The following PCBP3 variants were observed in gnomAD, a reference collection of about 807,000 sequenced individuals.
PCBP3 encodes poly(rC) binding protein 3.
Under a neutral mutation model 52.7 loss-of-function variants are expected in PCBP3, and 25 were observed. The ratio of observed to expected loss-of-function variants is 0.47; its 90% CI spans 0.35 to 0.66. The LOEUF is 0.66. Ranked by LOEUF, PCBP3 falls within the 30% of genes least tolerant of loss-of-function variation. PCBP3 has a pLI of 0.01. For missense variants in PCBP3, 391 were observed against 490.3 expected, an observed-to-expected ratio of 0.80 and a Z score of 1.91; for synonymous variants, 162 against 183.0, an observed-to-expected ratio of 0.89 and a Z score of 0.93.
chr21:45,823,899 G>A (rs569401931), intron 4 of PCBP3, among the ~76,000 whole-genome samples: 16 of 151,898 alleles, frequency 1.1e-4, no homozygotes, highest in African/African-American at 3.6e-4. Context: ...CCACCACCAC[G>A]CCCAGCTAAT....
chr21:45,707,177 A>T (rs1294176765), intron 2 of PCBP3, among the ~76,000 whole-genome samples: 1 of 152,176 alleles, frequency 6.6e-6, no homozygotes, highest in African/African-American at 2.4e-5. Context: ...GATCTAGGTC[A>T]GTGCTTCTGA....
At chr21:45,803,720 G>A (rs2092392950) in intron 4 of PCBP3, among the ~76,000 whole-genome samples, 1 of 152,190 alleles carries the variant, frequency 6.6e-6, no homozygotes. Flanking sequence ...TAACCCAGAG[G>A]AACCTGGAGC....
At chr21:45,915,574 T>G (rs1188710390) in intron 12 of PCBP3, 1 of 152,236 alleles carries the variant, frequency 6.6e-6, no homozygotes, top group African/African-American at 2.4e-5. Flanking sequence ...AGCTGAGCCC[T>G]GCTCAGCCAC....
chr21:45,714,231 C>G (rs1250938576), intron 2 of PCBP3, among the ~76,000 whole-genome samples: 2 of 152,218 alleles, frequency 1.3e-5, no homozygotes, highest in Non-Finnish European at 2.9e-5. Context: ...CCCATCAACT[C>G]CAGACTAATT....
intron 2 of PCBP3, among the ~76,000 whole-genome samples, chr21:45,727,548 C>T (rs1234599759): frequency 6.6e-6 from 1 of 152,224 alleles, no homozygotes; most frequent in Non-Finnish European, 1.5e-5. Context: ...GGGAAAGCCT[C>T]ACTGTGGTCT....
chr21:45,822,133 G>C (rs1298822883), intron 4 of PCBP3, among the ~76,000 whole-genome samples: 1 of 152,158 alleles, frequency 6.6e-6, no homozygotes, highest in Non-Finnish European at 1.5e-5. Flanking sequence ...GTATCTCTCT[G>C]TGTTCAGTGT....
At chr21:45,920,048 A>AGG (rs55919940) in intron 13 of PCBP3, among the ~76,000 whole-genome samples, 42 of 151,904 alleles carry the variant, frequency 2.8e-4, no homozygotes, top group African/African-American at 8.0e-4. Flanking sequence ...CAGGTTCCAA[A>AGG]GGGGGGGTCA....
intron 1 of PCBP3, among the ~76,000 whole-genome samples, chr21:45,646,053 T>TTTTCTCTCTC (rs1487044677): frequency 8.4e-5 from 6 of 71,452 alleles, no homozygotes; most frequent in African/African-American, 2.8e-4. Context: ...TGTCACCTGT[T>TTTTCTCTCTC]TCTCTCTCTC....
At chr21:45,920,650 T>G (rs2074316011) in intron 13 of PCBP3, among the ~76,000 whole-genome samples, 1 of 152,186 alleles carries the variant, frequency 6.6e-6, no homozygotes, top group Admixed American at 6.5e-5. Flanking sequence ...TCCACCCTCG[T>G]GAACAGCATT....
intron 3 of PCBP3, among the ~76,000 whole-genome samples, chr21:45,740,984 C>T (rs1230992254): frequency 6.6e-6 from 1 of 152,194 alleles, no homozygotes; most frequent in Non-Finnish European, 1.5e-5. Flanking sequence ...TCTGGTTCCT[C>T]CCTGGAAGGT....
At chr21:45,689,794 C>T (rs902901415) in intron 2 of PCBP3, among the ~76,000 whole-genome samples, 1 of 151,876 alleles carries the variant, frequency 6.6e-6, no homozygotes, top group South Asian at 2.1e-4. Context: ...GAATATGAAA[C>T]AGGATAAAGT....
At chr21:45,672,639 C>T (rs927944354) in intron 2 of PCBP3, among the ~76,000 whole-genome samples, 9 of 152,020 alleles carry the variant, frequency 5.9e-5, no homozygotes, top group African/African-American at 1.2e-4. Flanking sequence ...CTCTCCCTAC[C>T]CAGGGTATCT....
At chr21:45,881,255 A>C (rs1013690970) in intron 5 of PCBP3, among the ~76,000 whole-genome samples, 2 of 152,258 alleles carry the variant, frequency 1.3e-5, no homozygotes, top group Admixed American at 1.3e-4. Context: ...CTTGCATCAC[A>C]GGAAGAATGG....
chr21:45,669,505 C>G (rs545823928), intron 2 of PCBP3, among the ~76,000 whole-genome samples: 1 of 152,020 alleles, frequency 6.6e-6, no homozygotes, highest in East Asian at 1.9e-4. Flanking sequence ...TAAGTACATT[C>G]ATGTTGTTGT....
At chr21:45,869,490 G>A (rs893614544) in intron 5 of PCBP3, among the ~76,000 whole-genome samples, 6 of 152,182 alleles carry the variant, frequency 3.9e-5, no homozygotes, top group African/African-American at 1.4e-4. Context: ...GACCCTGGCA[G>A]GTGGCTGCTC....
chr21:45,783,385 A>G (rs1242796975), intron 4 of PCBP3, among the ~76,000 whole-genome samples: 1 of 152,228 alleles, frequency 6.6e-6, no homozygotes, highest in African/African-American at 2.4e-5. Context: ...AAAAAAGTGT[A>G]GCAAAGTATA....
At chr21:45,670,435 T>C (rs1311816337) in intron 2 of PCBP3, among the ~76,000 whole-genome samples, 1 of 152,226 alleles carries the variant, frequency 6.6e-6, no homozygotes, top group Non-Finnish European at 1.5e-5. Context: ...GGGTCACTAA[T>C]TTCTTTTAGG....
At chr21:45,922,728 C>G (rs892058036) in intron 13 of PCBP3, among the ~76,000 whole-genome samples, 1 of 152,198 alleles carries the variant, frequency 6.6e-6, no homozygotes, top group Non-Finnish European at 1.5e-5. Context: ...TTTAGATGAG[C>G]CTTTGCACCA....
chr21:45,867,944 T>C (rs2094815121), intron 5 of PCBP3, among the ~76,000 whole-genome samples: 1 of 152,232 alleles, frequency 6.6e-6, no homozygotes, highest in South Asian at 2.1e-4. Context: ...CTCAGAAATG[T>C]TACTTTGAGT....
Sources: allele counts gnomAD v4.1 joint callset (sites outside exome capture counted in the v4.1 genomes callset), GRCh38; gene constraint gnomAD v4.1.1; transcripts MANE v1.5; gene names NCBI Gene and HGNC (gene_info 2026-07-23, HGNC 2026-07-21).